MED12L: variants seen among roughly 807,000 people sequenced by gnomAD.
MED12L encodes mediator complex subunit 12L, also known as mediator of RNA polymerase II transcription subunit 12-like protein.
A neutral mutation model predicts 281.3 loss-of-function variants in MED12L; 60 were observed. The ratio of observed to expected loss-of-function variants is 0.21; its 90% CI spans 0.17 to 0.26. The LOEUF (loss-of-function observed/expected upper bound fraction) is 0.26. Ranked by LOEUF, MED12L falls within the 10% of genes least tolerant of loss-of-function variation. The pLI is 1.00. For synonymous variants in MED12L, 974 were observed against 987.2 expected (o/e 0.99, Z 0.25); for missense variants, 2,146 against 2,680.9 (o/e 0.80, Z 4.41).
At chr3:151,382,586 A>G in intron 32 of MED12L, 70 bp from the exon 33 acceptor site, 2 of 1,104,672 alleles carry the variant, frequency 1.8e-6, no homozygotes, top group South Asian at 1.5e-5. Flanking sequence ...TGCTATCAGT[A>G]TAAAGCTCAA....
chr3:151,161,922 CT>C (rs1285009669), intron 8 of MED12L, among the ~76,000 whole-genome samples: 1 of 152,100 alleles, frequency 6.6e-6, no homozygotes, highest in East Asian at 1.9e-4. Flanking sequence ...CATTGGTGAT[CT>C]TTTAAAGAGC....
At chr3:151,116,282 G>T in intron 2 of MED12L, 56 bp from the exon 3 acceptor site, 2 of 1,233,900 alleles carry the variant, frequency 1.6e-6, no homozygotes, top group Admixed American at 1.8e-5. Context: ...GCAATATGTG[G>T]GATTATGTTG....
At chr3:151,111,372 G>T (rs1290285721) in intron 2 of MED12L, among the ~76,000 whole-genome samples, 1 of 151,260 alleles carries the variant, frequency 6.6e-6, no homozygotes, top group Non-Finnish European at 1.5e-5. Flanking sequence ...ATTTTTTTTT[G>T]AACTGGGTTA....
At chr3:151,285,713 T>C (rs899711271) in intron 16 of MED12L, among the ~76,000 whole-genome samples, 9 of 151,946 alleles carry the variant, frequency 5.9e-5, no homozygotes, top group Non-Finnish European at 1.2e-4. Context: ...AAAAAACATA[T>C]TGAAATCTAA....
At chr3:151,249,527 G>T (rs1736430897) in intron 16 of MED12L, among the ~76,000 whole-genome samples, 1 of 152,032 alleles carries the variant, frequency 6.6e-6, no homozygotes, top group African/African-American at 2.4e-5. Context: ...ATATTGAAAG[G>T]ACCCCAAGAC....
chr3:151,102,200 A>G (rs1357833364), intron 2 of MED12L, among the ~76,000 whole-genome samples: 1 of 151,982 alleles, frequency 6.6e-6, no homozygotes, highest in Non-Finnish European at 1.5e-5. Flanking sequence ...TGTGCTTTAA[A>G]TCTCCCTTTA....
At chr3:151,391,981 C>T (rs1714291965) in intron 38 of MED12L, among the ~76,000 whole-genome samples, 1 of 152,080 alleles carries the variant, frequency 6.6e-6, no homozygotes, top group Non-Finnish European at 1.5e-5. Context: ...AATTTTTAGC[C>T]ATTTTAAACT....
intron 39 of MED12L, among the ~76,000 whole-genome samples, chr3:151,409,003 G>A (rs560450773): frequency 6.6e-6 from 1 of 152,296 alleles, no homozygotes; most frequent in African/African-American, 2.4e-5. Context: ...TGATAACTTA[G>A]GCTTGTATTT....
chr3:151,198,214 A>C (rs905762282), intron 16 of MED12L: 3 of 418,744 alleles, frequency 7.2e-6, no homozygotes, highest in African/African-American at 2.0e-5. Context: ...TTTTTGTACA[A>C]ATATTTGGGT....
intron 43 of MED12L, among the ~76,000 whole-genome samples, chr3:151,427,403 C>G (rs1426532186): frequency 6.6e-6 from 1 of 152,154 alleles, no homozygotes; most frequent in Admixed American, 6.5e-5. Context: ...CCCTGAACTC[C>G]CCAACACACA....
Position 151,294,334 on chromosome 3 carries a change from C to T in MED12L, c.2251-55725C>T, listed in dbSNP as rs539111679. On this transcript the variant is annotated intron_variant, in intron 16 of 44. Coordinates refer to ENST00000687756, the MANE Select transcript of MED12L (RefSeq NM_001393769.1). ...TTATTGGATCCAGGCAAACATTACACGCAGACAAGAAAAGTGTAATTTCTT... is the reference window on the plus strand; with the variant it reads ...TTATTGGATCCAGGCAAACATTACATGCAGACAAGAAAAGTGTAATTTCTT... 35 of 1,614,100 alleles carry T rather than the reference C, an allele frequency of 2.2e-5. No homozygotes were observed. In the South Asian group the frequency reaches 3.1e-4, roughly 14 times the overall value.
chr3:151,338,629 T>C, intron 16 of MED12L: 2 of 1,613,852 alleles, frequency 1.2e-6, no homozygotes, highest in Non-Finnish European at 1.7e-6. Flanking sequence ...GTCAGAATCA[T>C]GAGAAGATCA....
chr3:151,414,869 C>G (rs1331978912), intron 42 of MED12L, among the ~76,000 whole-genome samples: 2 of 152,168 alleles, frequency 1.3e-5, no homozygotes, highest in East Asian at 3.8e-4. Flanking sequence ...TAGTACCTAT[C>G]TCTTAAATAT....
At chr3:151,196,071 T>A (rs1487799745) in intron 16 of MED12L, among the ~76,000 whole-genome samples, 2 of 152,216 alleles carry the variant, frequency 1.3e-5, no homozygotes, top group Non-Finnish European at 2.9e-5. Flanking sequence ...TCAGCTTCTT[T>A]ATTCTGTTGT....
chr3:151,328,587 G>A (rs147188000), intron 16 of MED12L: 2 of 1,613,514 alleles, frequency 1.2e-6, no homozygotes, highest in East Asian at 2.2e-5. Flanking sequence ...GCAAAAACAG[G>A]TTTTTTTAGA....
At position 151,287,140 on chromosome 3, in the gene MED12L, C is replaced by T. The variant is rs143757349; in HGVS notation, c.2251-62919C>T. ...TTAATGTTATTAGAAAATAATCAGTCAATGTTAAAAGTTCTAGAAAAGAGT... is the reference window on the plus strand; with the variant it reads ...TTAATGTTATTAGAAAATAATCAGTTAATGTTAAAAGTTCTAGAAAAGAGT... On this transcript the variant is annotated intron_variant, in intron 16 of 44. Transcript: ENST00000687756. Among the ~76,000 whole-genome samples the T allele has an allele frequency of 3.9e-3, 594 of 152,124 alleles. 4 individuals carry two copies. The highest frequency in any genetic ancestry group is 6.2e-3 in the Non-Finnish European group (421 of 67,998).
intron 16 of MED12L, chr3:151,328,121 A>G: frequency 6.2e-7 from 1 of 1,613,214 alleles, no homozygotes; most frequent in Non-Finnish European, 8.5e-7. Flanking sequence ...TAAGGGATCC[A>G]TACAAATGTT....
At chr3:151,246,618 A>G (rs2149419298) in intron 16 of MED12L, among the ~76,000 whole-genome samples, 1 of 152,326 alleles carries the variant, frequency 6.6e-6, no homozygotes, top group African/African-American at 2.4e-5. Flanking sequence ...ACAAAAATCA[A>G]TTCAAGATGG....
At chr3:151,141,070 T>A (rs1716863658) in intron 5 of MED12L, among the ~76,000 whole-genome samples, 1 of 152,116 alleles carries the variant, frequency 6.6e-6, no homozygotes, top group African/African-American at 2.4e-5. Flanking sequence ...GGTTTCACCA[T>A]GTTAGCCATG....
Sources: allele counts gnomAD v4.1 joint callset (sites outside exome capture counted in the v4.1 genomes callset), GRCh38; gene constraint gnomAD v4.1.1; transcripts MANE v1.5; gene names NCBI Gene and HGNC (gene_info 2026-07-23, HGNC 2026-07-21).